Variants in TUBGCP5 observed in about 807,000 individuals in gnomAD.
TUBGCP5 encodes tubulin gamma complex component 5, also known as gamma-tubulin complex component 5.
In TUBGCP5, 98 loss-of-function variants were observed where a neutral mutation model predicts 134.7. The ratio of observed to expected loss-of-function variants is 0.73; its 90% confidence interval spans 0.62 to 0.86. The LOEUF (loss-of-function observed/expected upper bound fraction) is 0.86, where lower values mean the gene tolerates loss of function less well. Among genes scored for constraint, TUBGCP5 ranks in the 40% least tolerant of loss-of-function variants. The probability of loss-of-function intolerance (pLI) is 0.00; values close to 1 mark genes in which losing one functional copy is unlikely to be tolerated. For missense variants in TUBGCP5, 1,150 were observed against 1,244.8 expected, an observed-to-expected ratio of 0.92 and a Z score of 1.15; for synonymous variants, 456 against 431.4, an observed-to-expected ratio of 1.06 and a Z score of -0.71.
intron 21 of TUBGCP5, among the ~76,000 whole-genome samples, chr15:23,002,721 T>C (rs1263719361): frequency 6.6e-6 from 1 of 152,146 alleles, no homozygotes; most frequent in Non-Finnish European, 1.5e-5. Context: ...GCCATCACGG[T>C]GTTCACAACA....
At chr15:23,009,013 A>C in intron 15 of TUBGCP5, 132 bp from the exon 16 acceptor site, 1 of 646,760 alleles carries the variant, frequency 1.5e-6, no homozygotes, top group East Asian at 3.2e-5. Flanking sequence ...AATTAGAAAT[A>C]TTAACACCTC....
chr15:23,027,076 C>T, intron 7 of TUBGCP5, 116 bp downstream of exon 7: 1 of 833,946 alleles, frequency 1.2e-6, no homozygotes, highest in Non-Finnish European at 1.9e-6. Context: ...AAAGAATTGT[C>T]AAAACAAAAA....
chr15:22,990,393 G>A (rs760781016), intron 23 of TUBGCP5, among the ~76,000 whole-genome samples: 13 of 152,190 alleles, frequency 8.5e-5, no homozygotes, highest in Non-Finnish European at 1.6e-4. Context: ...GGCCAAGGCT[G>A]GAGCCAAGAA....
At chr15:22,989,091 T>G (rs2063772784) in intron 23 of TUBGCP5, among the ~76,000 whole-genome samples, 1 of 152,106 alleles carries the variant, frequency 6.6e-6, no homozygotes, top group Non-Finnish European at 1.5e-5. Context: ...TTAGGAGCCG[T>G]GTGACGACAT....
In TUBGCP5 at chr15:23,018,031, C is replaced by A; in HGVS notation, c.1498G>T (p.Val500Phe). The change falls in exon 13 of 23, where the codon GTT becomes TTT. Residue 500 changes from valine to phenylalanine, a missense_variant. Physicochemically the swap from Val to Phe is conservative, Grantham distance 50. This residue lies in a region of TUBGCP5 where 697 missense variants were observed against 850.1 expected (regional missense o/e 0.82). Transcript: ENST00000615383. Reference sequence around the variant, plus strand: ...CAGAAGTCTCTGTGATTAACTGGAACATTTTTGTTTCTAAAGAGATTCAAA... The same window carrying A: ...CAGAAGTCTCTGTGATTAACTGGAAAATTTTTGTTTCTAAAGAGATTCAAA... ...REFIIQRNKN[V>F]PVNHRDFWYA... 6.2e-7 allele frequency: 1 copy of A among 1,606,910 alleles called. No individual in the cohort carries two copies. The highest frequency in any genetic ancestry group is 8.5e-7 in the Non-Finnish European group (1 of 1,175,698).
chr15:23,020,584 C>CAAAAAAAAAAAAA (rs542905350), intron 11 of TUBGCP5, among the ~76,000 whole-genome samples: 17 of 76,228 alleles, frequency 2.2e-4, no homozygotes, highest in Admixed American at 3.8e-4. Context: ...GACTACGTCT[C>CAAAAAAAAAAAAA]AAAAAAAAAA....
intron 6 of TUBGCP5, among the ~76,000 whole-genome samples, chr15:23,028,580 AC>A (rs968746432): frequency 1.3e-5 from 2 of 152,140 alleles, no homozygotes; most frequent in African/African-American, 4.8e-5. Context: ...TAAAAATTCA[AC>A]ATTTATTCAT....
intron 23 of TUBGCP5, among the ~76,000 whole-genome samples, chr15:22,987,948 CT>C (rs2063728551): frequency 6.8e-6 from 1 of 148,040 alleles, no homozygotes; most frequent in Non-Finnish European, 1.5e-5. Context: ...CAGCCTTGTC[CT>C]TTCTGCCATG....
At chr15:23,005,730 G>A in intron 18 of TUBGCP5, 120 bp from the exon 19 acceptor site, 2 of 1,109,506 alleles carry the variant, frequency 1.8e-6, no homozygotes, top group Non-Finnish European at 2.6e-6. Context: ...AGCACTGGCA[G>A]GGGTGGCAGG....
At chr15:23,002,527 G>A (rs982898771) in intron 21 of TUBGCP5, among the ~76,000 whole-genome samples, 3 of 152,214 alleles carry the variant, frequency 2.0e-5, no homozygotes, top group Admixed American at 6.5e-5. Context: ...ACTTGCCTAT[G>A]TGATGTGTGT....
At position 23,036,896 on chromosome 15, in the gene TUBGCP5, C is replaced by T. The variant is rs748542267; in HGVS notation, c.309+1G>A. 1 of 1,556,720 alleles carries T rather than the reference C, an allele frequency of 6.4e-7. No individual in the cohort carries two copies. Among genetic ancestry groups the T allele is most frequent in the Non-Finnish European group, 8.8e-7 (1 of 1,138,532 alleles). ...TGGAGATCTCATAATTGAAGGCATA[C>T]CTTTATTTCCTTTATACTGGGAAGT... On this transcript the variant is annotated splice_donor_variant, in intron 3 of 22. Transcript: ENST00000615383. LOFTEE classifies it high-confidence loss of function.
intron 6 of TUBGCP5, among the ~76,000 whole-genome samples, chr15:23,028,186 G>T (rs1419288568): frequency 6.6e-6 from 1 of 151,814 alleles, no homozygotes; most frequent in Non-Finnish European, 1.5e-5. Flanking sequence ...GCCTGGGCTG[G>T]TCTCAAACAT....
rs757111988 is a variant in TUBGCP5, at chr15:23,031,003, A to G, written c.504T>C (p.Ser168=). 6.2e-7 allele frequency: 1 copy of G among 1,612,746 alleles called. No individual in the cohort carries two copies. The highest frequency in any genetic ancestry group is 8.5e-7 in the Non-Finnish European group (1 of 1,179,714). Reference sequence around the variant, plus strand: ...AGGGCTGTTGATCATTTTCCTCTTCACTTTCTTCAGACCAATTCTGATTTA... The same window carrying G: ...AGGGCTGTTGATCATTTTCCTCTTCGCTTTCTTCAGACCAATTCTGATTTA... ...YMDTPNWSEE[S]EEENDQQPLS... The change falls in exon 6 of 23, where the codon AGT becomes AGC. Residue 168 remains serine (S), a synonymous_variant. Transcript: ENST00000615383.
At chr15:23,032,597 G>A (rs2066375065) in intron 4 of TUBGCP5, 131 bp downstream of exon 4, 2 of 550,334 alleles carry the variant, frequency 3.6e-6, no homozygotes, top group Admixed American at 3.9e-5. Context: ...AATTGTGATA[G>A]CATCTAAAGC....
At chr15:23,032,687 T>C in intron 4 of TUBGCP5, 41 bp downstream of exon 4, 1 of 1,371,822 alleles carries the variant, frequency 7.3e-7, no homozygotes, top group Non-Finnish European at 9.9e-7. Flanking sequence ...TCAAACAATT[T>C]CTCTTTTACT....
Position 23,005,954 on chromosome 15 carries a change from T to C in TUBGCP5, c.2533+98A>G, listed in dbSNP as rs953285054. The C allele has an allele frequency of 6.0e-6, 8 of 1,334,270 alleles. No individual in the cohort carries two copies. The African/African-American group carries it at 1.2e-4, about 20-fold the overall frequency. The allele number at this position is 1,334,270 out of a possible 1,614,324, so 82.7% of individuals were successfully genotyped here. ...TCAACAACCACCAACTTTTTTTTTT[T>C]TTCCAGATCCCCGTATGCTTCCCTT... On this transcript the variant is annotated intron_variant, in intron 18 of 22. Coordinates refer to ENST00000615383, the MANE Select transcript of TUBGCP5 (RefSeq NM_052903.6).
Position 23,030,915 on chromosome 15 carries a change from T to G in TUBGCP5, c.592A>C (p.Arg198=). ...CAACTGATACAAGGATCCAGTTTTC[T>G]GTTTTGATCTTGTTCTTCTAACGGT... ...RTPLEEQDQN[R]KLDPCISWKD... The change falls in exon 6 of 23, where the codon AGA becomes CGA. Residue 198 remains arginine, a synonymous_variant. Transcript: ENST00000615383. The G allele has an allele frequency of 6.8e-6, 11 of 1,613,432 alleles. No homozygotes were observed. The highest frequency in any genetic ancestry group is 9.3e-6 in the Non-Finnish European group (11 of 1,179,844).
chr15:23,024,687 A>T, intron 9 of TUBGCP5, 50 bp downstream of exon 9: 1 of 950,808 alleles, frequency 1.1e-6, no homozygotes, highest in Non-Finnish European at 1.6e-6. Flanking sequence ...TTATATTACT[A>T]GTTTACATAA....
chr15:23,005,316 G>T, intron 19 of TUBGCP5, 116 bp downstream of exon 19: 2 of 1,198,200 alleles, frequency 1.7e-6, no homozygotes, highest in Non-Finnish European at 2.3e-6. Flanking sequence ...TTTGCTACAT[G>T]TCCCGTTTTC....
Sources: gnomAD v4.1 joint callset for allele counts (sites outside exome capture counted in the v4.1 genomes callset) on GRCh38, gnomAD v4.1.1 for gene constraint, gnomAD v4.1.1 regional missense constraint, MANE v1.5 for transcripts, NCBI Gene and HGNC (gene_info 2026-07-23, HGNC 2026-07-21) for gene names.